OR6C1: variants seen among roughly 807,000 people sequenced by gnomAD.
The protein encoded by OR6C1 is olfactory receptor family 6 subfamily C member 1.
For missense variants in OR6C1, 386 were observed against 366.1 expected, an observed-to-expected ratio of 1.05 and a Z score of -0.44; for synonymous variants, 157 against 133.3, an observed-to-expected ratio of 1.18 and a Z score of -1.22.
rs750074201 is a variant in OR6C1, at chr12:55,321,480, A to G, written c.881A>G (p.Gln294Arg). 1.2e-6 allele frequency: 2 copies of G among 1,613,596 alleles called. No individual in the cohort carries two copies. The highest frequency in any genetic ancestry group is 3.3e-5 in the Admixed American group (2 of 59,940). Residue 294 changes from glutamine (Q) to arginine (R), a missense_variant, in exon 2 of 2, where the codon CAA (glutamine) becomes CGA (arginine). By Grantham distance (43) the Gln-to-Arg change is conservative (BLOSUM62 1). Coordinates refer to ENST00000642104, the MANE Select transcript of OR6C1 (RefSeq NM_001005182.2). Reference sequence around the variant, plus strand: ...TTTATTTACAGCCTAAGAAATCAGCAAGTCAAGCAAGCTTTCATTAACATG... The same window carrying G: ...TTTATTTACAGCCTAAGAAATCAGCGAGTCAAGCAAGCTTTCATTAACATG... ...NPFIYSLRNQ[Q>R]VKQAFINMAR...
At chr12:55,317,734 T>C (rs1482249983) in intron 1 of OR6C1, among the ~76,000 whole-genome samples, 1 of 151,670 alleles carries the variant, frequency 6.6e-6, no homozygotes, top group Non-Finnish European at 1.5e-5. Context: ...ATGCACAGAG[T>C]AACAGAGGAG....
chr12:55,315,152 C>A (rs1868388370), intron 1 of OR6C1, among the ~76,000 whole-genome samples: 1 of 150,792 alleles, frequency 6.6e-6, no homozygotes, highest in Non-Finnish European at 1.5e-5. Flanking sequence ...TATAGTATTT[C>A]AATTAATTCC....
Position 55,321,406 on chromosome 12 carries a change from C to G in OR6C1, c.807C>G (p.Ser269Arg), listed in dbSNP as rs1868553956. ...KPSAKDRVSL[S>R]KGVAILNTSV... is the part of the protein sequence containing the mutation. The stretch of plus-strand genomic sequence containing the variant: ...CAGCAAAAGATAGAGTGTCCTTGAG[C>G]AAGGGAGTGGCAATACTAAACACCT... Residue 269 changes from serine (S) to arginine (R), a missense_variant, in exon 2 of 2, where the codon AGC becomes AGG. Coordinates refer to ENST00000642104, the MANE Select transcript of OR6C1 (RefSeq NM_001005182.2). The G allele has an allele frequency of 1.2e-6, 2 of 1,613,740 alleles. No homozygotes were observed. Among genetic ancestry groups the G allele is most frequent in the Middle Eastern group, 1.6e-4 (1 of 6,062 alleles).
At chr12:55,319,585 C>T (rs991922940) in intron 1 of OR6C1, among the ~76,000 whole-genome samples, 16 of 152,130 alleles carry the variant, frequency 1.1e-4, no homozygotes, top group African/African-American at 3.9e-4. Flanking sequence ...TAAGTTAAGG[C>T]AATGAGTAAA....
intron 1 of OR6C1, among the ~76,000 whole-genome samples, chr12:55,319,687 G>A (rs1397839704): frequency 6.6e-6 from 1 of 152,172 alleles, no homozygotes; most frequent in East Asian, 1.9e-4. Context: ...AGTTTCAGCA[G>A]TCAGGCTTAC....
At position 55,320,589 on chromosome 12, in the gene OR6C1, G is replaced by A. The variant is rs371021177; in HGVS notation, c.-11G>A. ...TAGGTCTGGCAGGGGAAAAAAGAAA[G>A]CAACTGAAGAATGAGAAACCATACA... is the stretch of plus-strand genomic sequence containing the variant. On this transcript the variant is annotated 5_prime_UTR_variant, in exon 2 of 2. Transcript: ENST00000642104. 87 of 1,496,494 alleles carry A rather than the reference G, an allele frequency of 5.8e-5. No homozygotes were observed. The highest frequency in any genetic ancestry group is 8.0e-5 in the Non-Finnish European group (87 of 1,092,404). The allele number at this position is 1,496,494 out of a possible 1,614,324, so 92.7% of individuals were successfully genotyped here.
chr12:55,316,038 T>G (rs1868403129), intron 1 of OR6C1, among the ~76,000 whole-genome samples: 1 of 151,050 alleles, frequency 6.6e-6, no homozygotes, highest in African/African-American at 2.4e-5. Flanking sequence ...TTCAAAGTAT[T>G]TGCATTACTA....
intron 1 of OR6C1, among the ~76,000 whole-genome samples, chr12:55,316,328 G>A (rs1262625008): frequency 6.6e-6 from 1 of 151,794 alleles, no homozygotes; most frequent in Non-Finnish European, 1.5e-5. Context: ...AAGATATAGG[G>A]TTGTTTCTAG....
At chr12:55,320,501 G>T in intron 1 of OR6C1, 66 bp from the exon 2 acceptor site, 2 of 722,162 alleles carry the variant, frequency 2.8e-6, no homozygotes, top group South Asian at 1.9e-5. Flanking sequence ...CCAAACTCCA[G>T]CTCCGTACTT....
In OR6C1 at chr12:55,321,368, T is replaced by C; in HGVS notation, c.769T>C (p.Tyr257His). The stretch of plus-strand genomic sequence containing the variant: ...CTCTTATGGCAGCTGCATTTTTATG[T>C]ACATTAAACCCTCAGCAAAAGATAG... Reference protein sequence around the residue: ...SISYGSCIFMYIKPSAKDRVS... With the variant: ...SISYGSCIFMHIKPSAKDRVS... Residue 257 changes from tyrosine (Y) to histidine (H), a missense_variant, in exon 2 of 2, where the codon TAC becomes CAC. Transcript: ENST00000642104. The C allele has an allele frequency of 1.2e-6, 2 of 1,613,996 alleles. No homozygotes were observed. The highest frequency in any genetic ancestry group is 1.7e-6 in the Non-Finnish European group (2 of 1,179,922).
rs556412621 is a variant in OR6C1 at position 55,321,917 on chromosome 12, G to T, written c.*379G>T. 3 of 153,260 alleles carry T rather than the reference G, an allele frequency of 2.0e-5. No homozygotes were observed. The highest frequency in any genetic ancestry group is 4.3e-5 in the Non-Finnish European group (3 of 69,020). The allele number at this position is 153,260 out of a possible 1,614,324, so 9.5% of individuals were successfully genotyped here. On this transcript the variant is annotated 3_prime_UTR_variant, in exon 2 of 2. Transcript: ENST00000642104. ...TTTATAATTTTAATTTATTCTTATA[G>T]AAATTCCCTTCACTATGCTACTGAT... is the stretch of plus-strand genomic sequence containing the variant.
rs1407370958 is a variant in OR6C1, at chr12:55,314,486, T to A, written c.-147T>A. The A allele has an allele frequency of 6.6e-6, 1 of 151,606 alleles. No individual in the cohort carries two copies. The highest frequency in any genetic ancestry group is 2.4e-5 in the African/African-American group (1 of 41,360). The allele number at this position is 151,606 out of a possible 1,614,324, so 9.4% of individuals were successfully genotyped here. A position where few individuals can be genotyped will look rare whatever the true frequency, so the allele number is the denominator to read the frequency against. ...GAAAATAGGAAGAAAATTTCTTCAA[T>A]GAGAAAGTGAATGTTTTCAGAAATC... is the stretch of plus-strand genomic sequence containing the variant. On this transcript the variant is annotated 5_prime_UTR_variant, in exon 1 of 2. It removes an upstream start codon present in the reference 5' UTR. Transcript: ENST00000642104.
Position 55,316,129 on chromosome 12 carries a change from A to C in OR6C1, c.-34+1530A>C, listed in dbSNP as rs964890914. Among the ~76,000 whole-genome samples the C allele has an allele frequency of 2.1e-4, 26 of 125,582 alleles. 1 individual carries two copies. The highest frequency in any genetic ancestry group is 6.6e-3 in the Middle Eastern group (2 of 302). 82.4% of individuals were successfully genotyped at this position (125,582 alleles called of 152,430 possible). A position where few individuals can be genotyped will look rare whatever the true frequency, so the allele number is the denominator to read the frequency against. On this transcript the variant is annotated intron_variant, in intron 1 of 1. Coordinates refer to ENST00000642104, the MANE Select transcript of OR6C1 (RefSeq NM_001005182.2). The stretch of plus-strand genomic sequence containing the variant: ...CACACACACACACACACACACACAC[A>C]CCCCCCGAGAGAATAATAAAATAGA...
Position 55,320,553 on chromosome 12 carries a change from A to T in OR6C1, c.-33-14A>T. 1 of 1,119,232 alleles carries T rather than the reference A, an allele frequency of 8.9e-7. No homozygotes were observed. The highest frequency in any genetic ancestry group is 1.3e-6 in the Non-Finnish European group (1 of 764,160). The allele number at this position is 1,119,232 out of a possible 1,614,324, so 69.3% of individuals were successfully genotyped here. A position where few individuals can be genotyped will look rare whatever the true frequency, so the allele number is the denominator to read the frequency against. On this transcript the variant is annotated splice_polypyrimidine_tract_variant and intron_variant, in intron 1 of 1. Transcript: ENST00000642104. ...ATAACTCTTCAAGTTTGTTCTTTGT[A>T]CTTTCTCTTGTAGGTCTGGCAGGGG... is the stretch of plus-strand genomic sequence containing the variant.
chr12:55,319,348 T>C lies in OR6C1; in HGVS notation c.-33-1219T>C, dbSNP rs80238040. On this transcript the variant is annotated intron_variant, in intron 1 of 1. Coordinates refer to ENST00000642104, the MANE Select transcript of OR6C1 (RefSeq NM_001005182.2). ...ATTCACAAAAGTTGATCGATGGCAT[T>C]AAGGTTAAATAAAATACAGAGACAA... 7.4e-4 allele frequency among the ~76,000 whole-genome samples: 112 copies of C among 152,298 alleles called. 2 individuals carry two copies. In the East Asian group the frequency reaches 0.016, roughly 22 times the overall value.
At chr12:55,319,340 G>A (rs1052782133) in intron 1 of OR6C1, among the ~76,000 whole-genome samples, 6 of 152,180 alleles carry the variant, frequency 3.9e-5, no homozygotes, top group South Asian at 4.1e-4. Flanking sequence ...AAAGTTGATC[G>A]ATGGCATTAA....
intron 1 of OR6C1, among the ~76,000 whole-genome samples, chr12:55,315,146 G>C (rs1868388266): frequency 6.6e-6 from 1 of 151,088 alleles, no homozygotes; most frequent in Admixed American, 6.6e-5. Context: ...CTTATTTATA[G>C]TATTTCAATT....
At chr12:55,317,133 C>G (rs1439231563) in intron 1 of OR6C1, among the ~76,000 whole-genome samples, 1 of 151,326 alleles carries the variant, frequency 6.6e-6, no homozygotes, top group Admixed American at 6.6e-5. Context: ...AAACTTGAGT[C>G]TCTCATGTCA....
chr12:55,320,487 T>A, intron 1 of OR6C1, 80 bp from the exon 2 acceptor site: 1 of 655,218 alleles, frequency 1.5e-6, no homozygotes, highest in Non-Finnish European at 2.6e-6. Context: ...GCATACTATG[T>A]CAACCAAACT....
Sources: allele counts gnomAD v4.1 joint callset (sites outside exome capture counted in the v4.1 genomes callset), GRCh38; gene constraint gnomAD v4.1.1; transcripts MANE v1.5; gene names NCBI Gene and HGNC (gene_info 2026-07-23, HGNC 2026-07-21).